Variants in MECOM observed in about 807,000 individuals in gnomAD.
The protein encoded by MECOM is histone-lysine N-methyltransferase MECOM.
MECOM carries 13 observed loss-of-function variants against 116.3 expected under a neutral mutation model. The ratio of observed to expected loss-of-function variants is 0.11; its 90% CI spans 0.07 to 0.18. The LOEUF is 0.18. MECOM is among the 10% of genes least tolerant of loss of function. The pLI is 1.00. For synonymous variants in MECOM, 528 were observed against 535.2 expected (o/e 0.99, Z 0.19); for missense variants, 1,299 against 1,509.0 (o/e 0.86, Z 2.31).
chr3:169,186,065 T>G (rs368388030), intron 2 of MECOM, among the ~76,000 whole-genome samples: 2 of 152,236 alleles, frequency 1.3e-5, no homozygotes, highest in South Asian at 4.2e-4. Flanking sequence ...TGGTTGTGTA[T>G]CTCACCCAAC....
intron 1 of MECOM, among the ~76,000 whole-genome samples, chr3:169,579,491 C>A (rs1369048454): frequency 2.0e-5 from 3 of 152,064 alleles, no homozygotes; most frequent in African/African-American, 7.2e-5. Flanking sequence ...TCTCTCTAGC[C>A]CTCCTGTTTC....
intron 2 of MECOM, among the ~76,000 whole-genome samples, chr3:169,275,761 T>C (rs933515762): frequency 6.6e-6 from 1 of 152,208 alleles, no homozygotes; most frequent in Non-Finnish European, 1.5e-5. Flanking sequence ...TTGGCAATGC[T>C]GGACACAATA....
chr3:169,236,843 C>T (rs1053631865), intron 2 of MECOM, among the ~76,000 whole-genome samples: 19 of 152,312 alleles, frequency 1.2e-4, no homozygotes, highest in Admixed American at 1.2e-3. Context: ...GACACTTCAA[C>T]GTGCTCAGAC....
Position 169,444,460 on chromosome 3 carries a change from G to A in MECOM, c.38-62936C>T, listed in dbSNP as rs550033310. ...ATAGTGAATAAGTCTCATGAGATCTGATGGGTTTATCAGGGGTTTCCGTTT... is the reference window on the plus strand; with the variant it reads ...ATAGTGAATAAGTCTCATGAGATCTAATGGGTTTATCAGGGGTTTCCGTTT... On this transcript the variant is annotated intron_variant, in intron 1 of 16. Transcript: ENST00000651503. 1.1e-4 allele frequency among the ~76,000 whole-genome samples: 17 copies of A among 152,278 alleles called. No individual in the cohort carries two copies. The South Asian group carries it at 3.3e-3, about 30-fold the overall frequency.
intron 13 of MECOM, among the ~76,000 whole-genome samples, chr3:169,094,842 A>G (rs1299224000): frequency 1.3e-5 from 2 of 152,206 alleles, no homozygotes; most frequent in African/African-American, 2.4e-5. Flanking sequence ...TTTGCTTAAA[A>G]TTACCCATTA....
chr3:169,604,325 TGAGGGGATGCC>T (rs1325982505), intron 1 of MECOM, among the ~76,000 whole-genome samples: 1 of 148,564 alleles, frequency 6.7e-6, no homozygotes, highest in African/African-American at 2.5e-5. Flanking sequence ...CTAGCTCCCC[TGAGGGGATGCC>T]GAGGAGTACA....
Position 169,612,238 on chromosome 3 carries a change from C to T in MECOM, c.37+51098G>A, listed in dbSNP as rs376907575. Among the ~76,000 whole-genome samples the T allele has an allele frequency of 1.8e-4, 28 of 152,172 alleles. No homozygotes were observed. In the South Asian group the frequency reaches 2.5e-3, roughly 14 times the overall value. ...TAATCAAAGTTGCTTGAACATCAAA[C>T]GAAAATATGGACATAATTTCTTAAA... On this transcript the variant is annotated intron_variant, in intron 1 of 16. Coordinates refer to ENST00000651503, the MANE Select transcript of MECOM (RefSeq NM_004991.4).
At chr3:169,229,898 C>G (rs909994608) in intron 2 of MECOM, among the ~76,000 whole-genome samples, 10 of 152,062 alleles carry the variant, frequency 6.6e-5, no homozygotes, top group Non-Finnish European at 1.5e-4. Flanking sequence ...ATACTTGCAA[C>G]ATCAAGTTGA....
chr3:169,109,750 C>T (rs777474639), intron 9 of MECOM, among the ~76,000 whole-genome samples: 49 of 152,182 alleles, frequency 3.2e-4, no homozygotes, highest in Non-Finnish European at 4.7e-4. Flanking sequence ...TTTTAAAATA[C>T]GTATTATTCC....
chr3:169,369,289 G>T (rs1397450020), intron 2 of MECOM, among the ~76,000 whole-genome samples: 1 of 149,744 alleles, frequency 6.7e-6, no homozygotes, highest in East Asian at 2.0e-4. Context: ...GCCAAAACCA[G>T]AGACAGTCCA....
intron 2 of MECOM, among the ~76,000 whole-genome samples, chr3:169,173,214 C>T (rs1744696322): frequency 6.6e-6 from 1 of 152,108 alleles, no homozygotes; most frequent in African/African-American, 2.4e-5. Flanking sequence ...ATGACCCACC[C>T]TCTCCTGGTT....
chr3:169,530,764 T>A (rs183429057), intron 1 of MECOM, among the ~76,000 whole-genome samples: 1 of 152,128 alleles, frequency 6.6e-6, no homozygotes, highest in East Asian at 1.9e-4. Flanking sequence ...GAATAATAAC[T>A]CCAAAATGCC....
chr3:169,149,027 G>C (rs779027181), intron 2 of MECOM, among the ~76,000 whole-genome samples: 1 of 150,586 alleles, frequency 6.6e-6, no homozygotes, highest in Non-Finnish European at 1.5e-5. Flanking sequence ...CTCCTGGTTC[G>C]TGGCCATTGA....
chr3:169,515,370 A>C (rs1756499489), intron 1 of MECOM, among the ~76,000 whole-genome samples: 1 of 152,244 alleles, frequency 6.6e-6, no homozygotes, highest in Non-Finnish European at 1.5e-5. Context: ...GGCAAATAGC[A>C]GTCATCATTT....
At chr3:169,545,364 A>G (rs1316251805) in intron 1 of MECOM, among the ~76,000 whole-genome samples, 1 of 152,052 alleles carries the variant, frequency 6.6e-6, no homozygotes, top group African/African-American at 2.4e-5. Flanking sequence ...CAATTTAAAC[A>G]CCCCAGGGGT....
intron 1 of MECOM, among the ~76,000 whole-genome samples, chr3:169,521,546 C>G (rs1757353159): frequency 6.6e-6 from 1 of 152,158 alleles, no homozygotes; most frequent in African/African-American, 2.4e-5. Context: ...TCCAGATGCC[C>G]TAGTGTCTCC....
At chr3:169,605,177 AAAG>A (rs1440929500) in intron 1 of MECOM, among the ~76,000 whole-genome samples, 1 of 152,182 alleles carries the variant, frequency 6.6e-6, no homozygotes, top group Non-Finnish European at 1.5e-5. Flanking sequence ...CCATTTAAGG[AAAG>A]AAGATGATAT....
At chr3:169,373,924 T>C (rs924976108) in intron 2 of MECOM, among the ~76,000 whole-genome samples, 5 of 152,008 alleles carry the variant, frequency 3.3e-5, no homozygotes, top group African/African-American at 1.2e-4. Context: ...TATTGAACAA[T>C]TATTTGTTGA....
chr3:169,321,889 C>T (rs1323623214), intron 2 of MECOM, among the ~76,000 whole-genome samples: 1 of 152,164 alleles, frequency 6.6e-6, no homozygotes, highest in African/African-American at 2.4e-5. Flanking sequence ...AATTAAATAT[C>T]AAACTAATGA....
Sources: allele counts gnomAD v4.1 joint callset (sites outside exome capture counted in the v4.1 genomes callset), GRCh38; gene constraint gnomAD v4.1.1; transcripts MANE v1.5; gene names NCBI Gene and HGNC (gene_info 2026-07-23, HGNC 2026-07-21).